AUTS2: variants seen among roughly 807,000 people sequenced by gnomAD.
AUTS2 encodes autism susceptibility gene 2 protein.
AUTS2 carries 17 observed loss-of-function variants against 112.4 expected under a neutral mutation model. The observed-to-expected ratio is 0.15, with a 90% confidence interval of 0.10 to 0.23. The LOEUF (loss-of-function observed/expected upper bound fraction) is 0.23, where lower values mean the gene tolerates loss of function less well. AUTS2 is among the 10% of genes least tolerant of loss of function. AUTS2 has a pLI of 1.00. For missense variants in AUTS2, 1,510 were observed against 1,701.6 expected (o/e 0.89, Z 1.98); for synonymous variants, 751 against 702.7 (o/e 1.07, Z -1.09).
intron 5 of AUTS2, among the ~76,000 whole-genome samples, chr7:70,675,085 C>T (rs1807840503): frequency 7.3e-6 from 1 of 137,628 alleles, no homozygotes; most frequent in Non-Finnish European, 1.6e-5. Context: ...AGAAGTATTT[C>T]AAATTAATCC....
intron 1 of AUTS2, among the ~76,000 whole-genome samples, chr7:69,783,909 T>G (rs773191231): frequency 6.6e-6 from 1 of 152,180 alleles, no homozygotes; most frequent in South Asian, 2.1e-4. Context: ...TTGAAATGAT[T>G]TCTTGAGTCA....
At position 69,798,159 on chromosome 7, in the gene AUTS2, A is replaced by G. The variant is rs116784090; in HGVS notation, c.310-101127A>G. ...GATCTATTTCGAGCTTGTGAGGAAT[A>G]GCATGTACCACCCTTCATTACCTCA... On this transcript the variant is annotated intron_variant, in intron 1 of 18. Coordinates refer to ENST00000342771, the MANE Select transcript of AUTS2 (RefSeq NM_015570.4). Among the ~76,000 whole-genome samples, 324 of 152,334 alleles carry G rather than the reference A, an allele frequency of 2.1e-3. 1 individual carries two copies. Among genetic ancestry groups the G allele is most frequent in the African/African-American group, 7.5e-3 (310 of 41,584 alleles).
At chr7:70,076,406 A>C (rs1040583696) in intron 2 of AUTS2, among the ~76,000 whole-genome samples, 1 of 152,218 alleles carries the variant, frequency 6.6e-6, no homozygotes, top group Non-Finnish European at 1.5e-5. Context: ...TAGTGAAAAG[A>C]TGTTGAACAA....
intron 5 of AUTS2, among the ~76,000 whole-genome samples, chr7:70,643,230 A>G (rs1805947901): frequency 6.6e-6 from 1 of 152,246 alleles, no homozygotes; most frequent in Admixed American, 6.5e-5. Flanking sequence ...CATATTTTCC[A>G]TAGCCAACAA....
At chr7:70,744,660 G>A (rs113729482) in intron 6 of AUTS2, among the ~76,000 whole-genome samples, 1,731 of 152,326 alleles carry the variant, frequency 0.011, 24 homozygotes, top group African/African-American at 0.039. Context: ...CATGCAGACA[G>A]GTGACATATT....
In AUTS2 at chr7:70,777,309, T is replaced by C; in HGVS notation, c.2004+135T>C. ...TAGTTAGGAAGGATCAAGCCTCTCT[T>C]GGAAAAGCTACTCAGAAGTCTTACT... On this transcript the variant is annotated intron_variant, in intron 14 of 18. Transcript: ENST00000342771. 4 of 797,988 alleles carry C rather than the reference T, an allele frequency of 5.0e-6. No homozygotes were observed. The South Asian group carries it at 6.3e-5, about 13-fold the overall frequency. The allele number at this position is 797,988 out of a possible 1,614,324, so 49.4% of individuals were successfully genotyped here. A position where few individuals can be genotyped will look rare whatever the true frequency, so the allele number is the denominator to read the frequency against.
chr7:70,208,476 G>A (rs1209794056), intron 4 of AUTS2, among the ~76,000 whole-genome samples: 1 of 152,080 alleles, frequency 6.6e-6, no homozygotes, highest in Non-Finnish European at 1.5e-5. Context: ...TTTGTGTGTT[G>A]TGGGCAAATT....
At chr7:70,028,533 C>T (rs563575632) in intron 2 of AUTS2, among the ~76,000 whole-genome samples, 1 of 152,264 alleles carries the variant, frequency 6.6e-6, no homozygotes, top group Admixed American at 6.5e-5. Flanking sequence ...ATGATTGTAT[C>T]CAGCATCTTG....
chr7:70,539,767 A>T (rs1394696497), intron 5 of AUTS2, among the ~76,000 whole-genome samples: 3 of 152,148 alleles, frequency 2.0e-5, no homozygotes, highest in Non-Finnish European at 2.9e-5. Flanking sequence ...AGCAATTTTT[A>T]AAATCCTGCC....
intron 4 of AUTS2, among the ~76,000 whole-genome samples, chr7:70,162,681 G>A (rs1808155664): frequency 6.6e-6 from 1 of 151,876 alleles, no homozygotes; most frequent in Non-Finnish European, 1.5e-5. Context: ...GTCTTTAATT[G>A]TATTATTAAA....
intron 1 of AUTS2, among the ~76,000 whole-genome samples, chr7:69,866,452 A>G (rs142071715): frequency 1.7e-3 from 266 of 152,294 alleles, no homozygotes; most frequent in Non-Finnish European, 3.2e-3. Flanking sequence ...TGCTCTAGGT[A>G]TAAATGACTA....
chr7:69,662,788 T>A (rs1022607164), intron 1 of AUTS2, among the ~76,000 whole-genome samples: 3 of 152,296 alleles, frequency 2.0e-5, no homozygotes, highest in African/African-American at 7.2e-5. Flanking sequence ...TGAGGAGGAT[T>A]GTAGTAAAAT....
chr7:70,215,113 C>T lies in AUTS2; in HGVS notation c.660+80542C>T, dbSNP rs577910071. ...TAGCCTGGGCAACATACTGAGACCC[C>T]GTCTCTACAAAAAGTACAAAAATTA... On this transcript the variant is annotated intron_variant, in intron 4 of 18. Transcript: ENST00000342771. 7.2e-5 allele frequency among the ~76,000 whole-genome samples: 11 copies of T among 152,144 alleles called. No homozygotes were observed. The East Asian group carries it at 7.7e-4, about 11-fold the overall frequency.
chr7:70,367,773 T>A (rs66866439), intron 4 of AUTS2, among the ~76,000 whole-genome samples: 14,172 of 152,050 alleles, frequency 0.093, 1,055 homozygotes, highest in African/African-American at 0.2. Flanking sequence ...CTGATACCAT[T>A]GGGAGAACAG....
chr7:70,300,306 C>G (rs1014575824), intron 4 of AUTS2, among the ~76,000 whole-genome samples: 1 of 152,106 alleles, frequency 6.6e-6, no homozygotes, highest in Non-Finnish European at 1.5e-5. Flanking sequence ...ATTTGTTGGG[C>G]CACATTCAGA....
At chr7:69,974,598 A>G (rs1797982527) in intron 2 of AUTS2, among the ~76,000 whole-genome samples, 1 of 152,056 alleles carries the variant, frequency 6.6e-6, no homozygotes, top group South Asian at 2.1e-4. Context: ...CTCCAAGGGC[A>G]GGAGATTTGG....
rs538071168 is a variant in AUTS2 at position 70,572,829 on chromosome 7, G to A, written c.691-125740G>A. The stretch of plus-strand genomic sequence containing the variant: ...AAAATCTGGTCTGTTGCGGGCCTTT[G>A]CTCTCAAGGGAGATTAATATTTTAG... On this transcript the variant is annotated intron_variant, in intron 5 of 18. Coordinates refer to ENST00000342771, the MANE Select transcript of AUTS2 (RefSeq NM_015570.4). Among the ~76,000 whole-genome samples, 10 of 152,266 alleles carry A rather than the reference G, an allele frequency of 6.6e-5. No individual in the cohort carries two copies. The South Asian group carries it at 2.1e-3, about 32-fold the overall frequency.
intron 1 of AUTS2, among the ~76,000 whole-genome samples, chr7:69,728,084 T>C (rs1294048214): frequency 6.6e-6 from 1 of 151,772 alleles, no homozygotes; most frequent in Non-Finnish European, 1.5e-5. Context: ...TCCAGTGGAA[T>C]GTATGCATAG....
chr7:70,323,950 G>A (rs935376755), intron 4 of AUTS2, among the ~76,000 whole-genome samples: 13 of 152,198 alleles, frequency 8.5e-5, no homozygotes, highest in African/African-American at 3.1e-4. Context: ...AGCTGAAAAT[G>A]CAAGGAGGAA....
Sources: allele counts gnomAD v4.1 joint callset (sites outside exome capture counted in the v4.1 genomes callset), GRCh38; gene constraint gnomAD v4.1.1; transcripts MANE v1.5; gene names NCBI Gene and HGNC (gene_info 2026-07-23, HGNC 2026-07-21).